Variants in PTPRT observed in about 807,000 individuals in gnomAD.
PTPRT encodes protein tyrosine phosphatase receptor type T.
A neutral mutation model predicts 176.8 loss-of-function variants in PTPRT; 56 were observed. That is an observed-to-expected ratio of 0.32 (90% confidence interval 0.26 to 0.40). The LOEUF (loss-of-function observed/expected upper bound fraction) is 0.40. Ranked by LOEUF, PTPRT falls within the 10% of genes least tolerant of loss-of-function variation. PTPRT has a pLI of 1.00. For missense variants in PTPRT, 1,540 were observed against 1,908.2 expected (o/e 0.81, Z 3.60); for synonymous variants, 783 against 739.0 (o/e 1.06, Z -0.96).
chr20:42,273,332 C>T (rs2056971725), intron 13 of PTPRT, among the ~76,000 whole-genome samples: 1 of 152,174 alleles, frequency 6.6e-6, no homozygotes, highest in South Asian at 2.1e-4. Context: ...TCTCCTGCCT[C>T]AACCTCCTGA....
the PTPRT span, among the ~76,000 whole-genome samples, chr20:42,047,724 G>C: frequency 1.3e-5 from 2 of 152,292 alleles, no homozygotes; most frequent in South Asian, 4.2e-4. Flanking sequence ...TATGCTTGAT[G>C]GGTTCTTCTG....
chr20:42,210,250 C>A (rs1461010585), intron 15 of PTPRT, among the ~76,000 whole-genome samples: 2 of 152,190 alleles, frequency 1.3e-5, no homozygotes, highest in Non-Finnish European at 1.5e-5. Flanking sequence ...GACAGGGATG[C>A]CCTCTCTCAC....
chr20:42,927,275 AG>A (rs1381619728), intron 1 of PTPRT, among the ~76,000 whole-genome samples: 2 of 152,166 alleles, frequency 1.3e-5, no homozygotes, highest in Admixed American at 1.3e-4. Context: ...TGTAGAAAAA[AG>A]GGGGGCTGGG....
In PTPRT at chr20:43,129,865, G is replaced by A. The variant is rs373908512; in HGVS notation, c.88+59781C>T. Among the ~76,000 whole-genome samples the A allele has an allele frequency of 3.3e-5, 5 of 151,974 alleles. No homozygotes were observed. The South Asian group carries it at 8.3e-4, about 25-fold the overall frequency. ...GATCTCCTGACCTCGTGATCCGCCCGCCTCGGCCTCCCAAAGTGCTGGGAT... is the reference window on the plus strand; with the variant it reads ...GATCTCCTGACCTCGTGATCCGCCCACCTCGGCCTCCCAAAGTGCTGGGAT... On this transcript the variant is annotated intron_variant, in intron 1 of 30. Coordinates refer to ENST00000373187, the MANE Select transcript of PTPRT (RefSeq NM_007050.6).
chr20:42,796,303 G>A (rs890675712), intron 2 of PTPRT, among the ~76,000 whole-genome samples: 5 of 152,180 alleles, frequency 3.3e-5, no homozygotes, highest in African/African-American at 1.2e-4. Flanking sequence ...CATGACTGGT[G>A]GATACCATAT....
chr20:42,357,895 CAG>C (rs1223977083), intron 9 of PTPRT, among the ~76,000 whole-genome samples: 7 of 152,140 alleles, frequency 4.6e-5, no homozygotes, highest in Admixed American at 1.3e-4. Context: ...GCCTGGGAAA[CAG>C]AGTGAGACCA....
chr20:42,508,944 TAA>T (rs2071901721), intron 7 of PTPRT, among the ~76,000 whole-genome samples: 1 of 142,672 alleles, frequency 7.0e-6, no homozygotes, highest in Non-Finnish European at 1.5e-5. Context: ...TTTATAAATA[TAA>T]TTTATATTTA....
At chr20:42,533,467 G>T (rs955415801) in intron 7 of PTPRT, among the ~76,000 whole-genome samples, 6 of 151,958 alleles carry the variant, frequency 3.9e-5, no homozygotes, top group African/African-American at 1.2e-4. Flanking sequence ...TGGAAACCAG[G>T]AGTAGGTGGG....
intron 7 of PTPRT, among the ~76,000 whole-genome samples, chr20:42,630,609 A>T (rs905451647): frequency 3.3e-5 from 5 of 152,154 alleles, no homozygotes; most frequent in Admixed American, 6.5e-5. Context: ...GGTAAAGACA[A>T]TTTTTAAATT....
At chr20:42,881,724 CAAAAAAA>C (rs112191705) in intron 2 of PTPRT, among the ~76,000 whole-genome samples, 405 of 36,706 alleles carry the variant, frequency 0.011, 1 homozygote, top group African/African-American at 0.025. Flanking sequence ...CACTCTGTCT[CAAAAAAA>C]AAAAAAAAAA....
chr20:42,362,839 C>T (rs2058448443), intron 9 of PTPRT, among the ~76,000 whole-genome samples: 1 of 152,026 alleles, frequency 6.6e-6, no homozygotes, highest in Admixed American at 6.6e-5. Context: ...GGCGCGGTGG[C>T]TCACGCCTGT....
At chr20:43,071,612 C>T (rs1248229451) in intron 1 of PTPRT, among the ~76,000 whole-genome samples, 1 of 151,828 alleles carries the variant, frequency 6.6e-6, no homozygotes, top group African/African-American at 2.4e-5. Context: ...ATGGAGAAAC[C>T]CCGTCTCTAC....
chr20:42,916,269 C>A (rs1040310453), intron 1 of PTPRT, among the ~76,000 whole-genome samples: 1 of 152,118 alleles, frequency 6.6e-6, no homozygotes, highest in Non-Finnish European at 1.5e-5. Context: ...CCAGTTTCAT[C>A]CATGTCCCTA....
At chr20:42,816,568 T>G (rs1441363118) in intron 2 of PTPRT, among the ~76,000 whole-genome samples, 1 of 152,168 alleles carries the variant, frequency 6.6e-6, no homozygotes, top group East Asian at 1.9e-4. Context: ...AGAGGGAGGT[T>G]TCCCCCATGC....
intron 12 of PTPRT, among the ~76,000 whole-genome samples, chr20:42,286,214 A>G (rs991832604): frequency 6.6e-6 from 1 of 152,104 alleles, no homozygotes; most frequent in South Asian, 2.1e-4. Flanking sequence ...CATTCATTAT[A>G]GAAATAGAAA....
intron 8 of PTPRT, among the ~76,000 whole-genome samples, chr20:42,471,487 C>G (rs34427974): frequency 6.6e-6 from 1 of 152,184 alleles, no homozygotes; most frequent in Non-Finnish European, 1.5e-5. Context: ...GTTCCTGCTC[C>G]TACTTCATCT....
chr20:43,146,824 C>G (rs567906216), intron 1 of PTPRT, among the ~76,000 whole-genome samples: 31 of 152,070 alleles, frequency 2.0e-4, no homozygotes, highest in Non-Finnish European at 4.1e-4. Flanking sequence ...CCCTGTGGAC[C>G]CTACTTTAGA....
At chr20:42,612,640 G>A (rs945497307) in intron 7 of PTPRT, among the ~76,000 whole-genome samples, 1 of 152,112 alleles carries the variant, frequency 6.6e-6, no homozygotes, top group Non-Finnish European at 1.5e-5. Flanking sequence ...GTAGACAGCT[G>A]TCTGCTCCAC....
intron 1 of PTPRT, among the ~76,000 whole-genome samples, chr20:42,925,361 A>G (rs1473508826): frequency 6.6e-6 from 1 of 152,198 alleles, no homozygotes; most frequent in Non-Finnish European, 1.5e-5. Flanking sequence ...ACATAAGTAA[A>G]TGTTGGCTAG....
Sources: allele counts gnomAD v4.1 joint callset (sites outside exome capture counted in the v4.1 genomes callset), GRCh38; gene constraint gnomAD v4.1.1; transcripts MANE v1.5; gene names NCBI Gene and HGNC (gene_info 2026-07-23, HGNC 2026-07-21).